Variants in ESRP2 observed in about 807,000 individuals in gnomAD.
The protein encoded by ESRP2 is epithelial splicing regulatory protein 2.
A neutral mutation model predicts 78.6 loss-of-function variants in ESRP2; 48 were observed. The ratio of observed to expected loss-of-function variants is 0.61; its 90% CI spans 0.48 to 0.78. ESRP2 has a LOEUF of 0.78. ESRP2 is among the 30% of genes least tolerant of loss of function. ESRP2 has a pLI of 0.00. For synonymous variants in ESRP2, 383 were observed against 406.7 expected (o/e 0.94, Z 0.70); for missense variants, 863 against 965.9 (o/e 0.89, Z 1.41).
In ESRP2 at chr16:68,231,813, C is replaced by T. The variant is rs1477283149; in HGVS notation, c.1288G>A (p.Glu430Lys). The T allele has an allele frequency of 8.7e-6, 14 of 1,608,838 alleles. No homozygotes were observed. Among genetic ancestry groups the T allele is most frequent in the African/African-American group, 2.7e-5 (2 of 74,796 alleles). ...YIELFRSTAA[E>K]VQQVLNRYAS... ...CCCTGGGCGCTCACCTGCTGCACTT[C>T]GGCTGCAGTGCTCCGGAAGAGTTCA... is the stretch of plus-strand genomic sequence containing the variant. Residue 430 changes from glutamate (E) to lysine (K), a missense_variant, in exon 10 of 15, where the codon GAA (glutamate) becomes AAA (lysine). Glu to Lys is a moderately conservative substitution (Grantham distance 56). Transcript: ENST00000473183. The surrounding 1 kb of genome is among the most constrained non-coding windows in gnomAD (Gnocchi z 6.0).
At position 68,234,146 on chromosome 16, in the gene ESRP2, C is replaced by G. The variant is rs1359800873; in HGVS notation, c.328-39G>C. The G allele has an allele frequency of 6.1e-6, 9 of 1,483,322 alleles. No individual in the cohort carries two copies. In the East Asian group the frequency reaches 1.9e-4, roughly 32 times the overall value. 91.9% of individuals were successfully genotyped at this position (1,483,322 alleles called of 1,614,324 possible). A position where few individuals can be genotyped will look rare whatever the true frequency, so the allele number is the denominator to read the frequency against. ...ATGGGGAGAGAGAAACACACAGATT[C>G]ACAGCTGGGCAGGCAGGAAGTGAGG... is the stretch of plus-strand genomic sequence containing the variant. On this transcript the variant is annotated intron_variant, in intron 2 of 14. Coordinates refer to ENST00000473183, the MANE Select transcript of ESRP2 (RefSeq NM_024939.3).
chr16:68,230,358 C>T, intron 14 of ESRP2, 31 bp downstream of exon 14: 2 of 1,614,140 alleles, frequency 1.2e-6, no homozygotes, highest in Non-Finnish European at 1.7e-6. Context: ...CTCAGCCAGA[C>T]CCGCCAGGCC....
rs2042116953 is a variant in ESRP2 at position 68,230,641 on chromosome 16, G to A, written c.1899-87C>T. ...TTCCCTCCTCCCTTGTTTCTGCCTT[G>A]TGCTTAATTCAGTTCCTCCCTGAAG... is the stretch of plus-strand genomic sequence containing the variant. On this transcript the variant is annotated intron_variant, in intron 13 of 14. Coordinates refer to ENST00000473183, the MANE Select transcript of ESRP2 (RefSeq NM_024939.3). 5 of 1,477,040 alleles carry A rather than the reference G, an allele frequency of 3.4e-6. 1 individual carries two copies. Among genetic ancestry groups the A allele is most frequent in the Admixed American group, 4.5e-5 (2 of 44,180 alleles). The allele number at this position is 1,477,040 out of a possible 1,614,324, so 91.5% of individuals were successfully genotyped here.
rs373763839 is a variant in ESRP2 at position 68,235,602 on chromosome 16, C to T, written c.327+32G>A. 1.8e-5 allele frequency: 29 copies of T among 1,595,526 alleles called. No individual in the cohort carries two copies. The highest frequency in any genetic ancestry group is 2.4e-5 in the Non-Finnish European group (28 of 1,178,816). Reference sequence around the variant, plus strand: ...TCCCGCCCAGAAATGTCCTCACGTCCAGGCCATGCCGCCACCCACCCCGGC... The same window carrying T: ...TCCCGCCCAGAAATGTCCTCACGTCTAGGCCATGCCGCCACCCACCCCGGC... On this transcript the variant is annotated intron_variant, in intron 2 of 14. Coordinates refer to ENST00000473183, the MANE Select transcript of ESRP2 (RefSeq NM_024939.3). The surrounding 1 kb of genome is among the most constrained non-coding windows in gnomAD (Gnocchi z 5.5).
Position 68,230,426 on chromosome 16 carries a change from C to A in ESRP2, c.2027G>T (p.Gly676Val), listed in dbSNP as rs759775372. 1 of 1,613,184 alleles carries A rather than the reference C, an allele frequency of 6.2e-7. No individual in the cohort carries two copies. The highest frequency in any genetic ancestry group is 2.2e-5 in the East Asian group (1 of 44,850). ...GAAGACGCTGAGCAGATCCTTCATA[C>A]CAGCCGTGTATGGGACACCCTGCAT... Reference protein sequence around the residue: ...VRMQGVPYTAGMKDLLSVFQA... With the variant: ...VRMQGVPYTAVMKDLLSVFQA... The change falls in exon 14 of 15, where the codon GGT (glycine) becomes GTT (valine). Residue 676 changes from glycine (G) to valine (V), a missense_variant. Gly to Val is a moderately radical substitution (Grantham distance 109, BLOSUM62 -3). Transcript: ENST00000473183.
At position 68,236,063 on chromosome 16, in the gene ESRP2, GCT is replaced by G; in HGVS notation, c.-20_-19del. 7.1e-7 allele frequency: 1 copy of G among 1,410,720 alleles called. No individual in the cohort carries two copies. The highest frequency in any genetic ancestry group is 9.1e-7 in the Non-Finnish European group (1 of 1,094,888). The allele number at this position is 1,410,720 out of a possible 1,614,324, so 87.4% of individuals were successfully genotyped here. A position where few individuals can be genotyped will look rare whatever the true frequency, so the allele number is the denominator to read the frequency against. On this transcript the variant is annotated 5_prime_UTR_variant, in exon 1 of 15. Transcript: ENST00000473183. This position sits in a 1 kb window ranked among gnomAD's most constrained non-coding sequence, Gnocchi z 5.2. ...GGAGTCATGGCCGCAGAGGAAGGGG[GCT>G]CTCGGCCAGACACGCGGACCGACGA...
chr16:68,232,332 T>C lies in ESRP2; in HGVS notation c.954+39A>G. 3 of 1,614,136 alleles carry C rather than the reference T, an allele frequency of 1.9e-6. No individual in the cohort carries two copies. Among genetic ancestry groups the C allele is most frequent in the Non-Finnish European group, 2.5e-6 (3 of 1,180,004 alleles). On this transcript the variant is annotated intron_variant, in intron 8 of 14. Transcript: ENST00000473183. The surrounding 1 kb of genome is among the most constrained non-coding windows in gnomAD (Gnocchi z 5.2). ...GCAGCCCATGGGTCTCAGGCCTGAC[T>C]CAGATTGGCCCTGCTCCGCTCCCAG...
chr16:68,230,585 C>T, intron 13 of ESRP2, 31 bp from the exon 14 acceptor site: 1 of 1,535,854 alleles, frequency 6.5e-7, no homozygotes, highest in Non-Finnish European at 8.8e-7. Flanking sequence ...TTTAGTCATG[C>T]ATGCCACCTG....
Position 68,232,354 on chromosome 16 carries a change from C to T in ESRP2, c.954+17G>A. On this transcript the variant is annotated intron_variant, in intron 8 of 14. Coordinates refer to ENST00000473183, the MANE Select transcript of ESRP2 (RefSeq NM_024939.3). This position sits in a 1 kb window ranked among gnomAD's most constrained non-coding sequence, Gnocchi z 5.2. ...GACTCAGATTGGCCCTGCTCCGCTC[C>T]CAGCCCAAAGCCCCACCTCAATATA... 6.2e-7 allele frequency: 1 copy of T among 1,614,106 alleles called. No individual in the cohort carries two copies. The highest frequency in any genetic ancestry group is 2.2e-5 in the East Asian group (1 of 44,888).
At position 68,232,578 on chromosome 16, in the gene ESRP2, T is replaced by G; in HGVS notation, c.820A>C (p.Arg274=). 6.2e-7 allele frequency: 1 copy of G among 1,612,830 alleles called. No individual in the cohort carries two copies. Among genetic ancestry groups the G allele is most frequent in the Non-Finnish European group, 8.5e-7 (1 of 1,179,102 alleles). ...ARFFKGLNVA[R]GGVALCLNAQ... Reference sequence around the variant, plus strand: ...GCCCACCCACCCTGCCACACCCACCTGGCCACGTTGAGCCCTTTGAAGAAG... The same window carrying G: ...GCCCACCCACCCTGCCACACCCACCGGGCCACGTTGAGCCCTTTGAAGAAG... The change falls in exon 7 of 15, where the codon AGG becomes CGG. Residue 274 remains arginine (R), a splice_region_variant and synonymous_variant. Coordinates refer to ENST00000473183, the MANE Select transcript of ESRP2 (RefSeq NM_024939.3). The surrounding 1 kb of genome is among the most constrained non-coding windows in gnomAD (Gnocchi z 5.2).
Position 68,235,674 on chromosome 16 carries a change from C to T in ESRP2, c.287G>A (p.Ser96Asn). The T allele has an allele frequency of 6.3e-7, 1 of 1,598,790 alleles. No individual in the cohort carries two copies. Among genetic ancestry groups the T allele is most frequent in the East Asian group, 2.2e-5 (1 of 44,800 alleles). ...GTCCAGCGGCTCTGCCCGCGCCAGG[C>T]TGTCGGCGCTCAGGCCGCTCGCCTC... The part of the protein sequence containing the change: ...CREASGLSAD[S>N]LARAEPLDKV... The change falls in exon 2 of 15, where the codon AGC (serine) becomes AAC (asparagine). Residue 96 changes from serine to asparagine, a missense_variant. Physicochemically the swap from Ser to Asn is conservative, Grantham distance 46. Coordinates refer to ENST00000473183, the MANE Select transcript of ESRP2 (RefSeq NM_024939.3). This position sits in a 1 kb window ranked among gnomAD's most constrained non-coding sequence, Gnocchi z 5.5.
rs752963598 is a variant in ESRP2 at position 68,236,022 on chromosome 16, G to GGGCGGC, written c.18_23dup (p.Pro10_Pro11dup). ...CCGCGGGGTCAGGGCCCGGGGGAGG[G>GGGCGGC]GGCGGCGGCGGCGGCGGAGTCATGG... On this transcript the variant is annotated inframe_insertion, in exon 1 of 15. Coordinates refer to ENST00000473183, the MANE Select transcript of ESRP2 (RefSeq NM_024939.3). This position sits in a 1 kb window ranked among gnomAD's most constrained non-coding sequence, Gnocchi z 5.2. The GGGCGGC allele has an allele frequency of 2.0e-6, 3 of 1,469,376 alleles. No homozygotes were observed. Among genetic ancestry groups the GGGCGGC allele is most frequent in the Middle Eastern group, 2.0e-4 (1 of 4,886 alleles). 91.0% of individuals were successfully genotyped at this position (1,469,376 alleles called of 1,614,324 possible).
rs1039863056 is a variant in ESRP2, at chr16:68,232,895, TGA to T, written c.656-82_656-81del. On this transcript the variant is annotated intron_variant, in intron 5 of 14. Coordinates refer to ENST00000473183, the MANE Select transcript of ESRP2 (RefSeq NM_024939.3). This position sits in a 1 kb window ranked among gnomAD's most constrained non-coding sequence, Gnocchi z 5.2. ...CCAAGTTCTGCAAAAAGTGGACAAT[TGA>T]GAGAGATGAAGAAATGACAGGCCGA... 1.5e-5 allele frequency: 24 copies of T among 1,589,998 alleles called. No individual in the cohort carries two copies. The African/African-American group carries it at 2.7e-4, about 18-fold the overall frequency.
chr16:68,235,156 GCAGTTT>G lies in ESRP2; in HGVS notation c.327+472_327+477del, dbSNP rs2042206471. On this transcript the variant is annotated intron_variant, in intron 2 of 14. Transcript: ENST00000473183. The surrounding 1 kb of genome is among the most constrained non-coding windows in gnomAD (Gnocchi z 5.5). ...AGCCGGCCGGGACAGGCCTAGACGA[GCAGTTT>G]ACACCTGGCGGCGTCTACCTCTAGG... 1 of 985,226 alleles carries G rather than the reference GCAGTTT, an allele frequency of 1.0e-6. No homozygotes were observed. The highest frequency in any genetic ancestry group is 1.2e-6 in the Non-Finnish European group (1 of 829,894). The allele number at this position is 985,226 out of a possible 1,614,324, so 61.0% of individuals were successfully genotyped here.
In ESRP2 at chr16:68,233,352, G is replaced by C. The variant is rs201764029; in HGVS notation, c.630C>G (p.Ile210Met). 7 of 1,614,052 alleles carry C rather than the reference G, an allele frequency of 4.3e-6. No homozygotes were observed. In the South Asian group the frequency reaches 7.7e-5, roughly 18 times the overall value. ...TGCTGGGCTCTTTGAGTAGATGGAGGATAACAGCTACCATTGTCTTGACTT... is the reference window on the plus strand; with the variant it reads ...TGCTGGGCTCTTTGAGTAGATGGAGCATAACAGCTACCATTGTCTTGACTT... ...VWEVKTMVAV[I>M]LHLLKEPSSQ... The change falls in exon 5 of 15, where the codon ATC becomes ATG. Residue 210 changes from isoleucine to methionine, a missense_variant. By Grantham distance (10) the Ile-to-Met change is conservative. Coordinates refer to ENST00000473183, the MANE Select transcript of ESRP2 (RefSeq NM_024939.3).
At position 68,233,719 on chromosome 16, in the gene ESRP2, A is replaced by G. The variant is rs769670775; in HGVS notation, c.556+49T>C. The stretch of plus-strand genomic sequence containing the variant: ...CCACAGCATGCACATACTCAGACAC[A>G]TGTACCCACAGTGGCTTCTCCACCC... On this transcript the variant is annotated intron_variant, in intron 4 of 14. Coordinates refer to ENST00000473183, the MANE Select transcript of ESRP2 (RefSeq NM_024939.3). 2.9e-6 allele frequency: 4 copies of G among 1,375,382 alleles called. No individual in the cohort carries two copies. The African/African-American group carries it at 4.3e-5, about 15-fold the overall frequency. The allele number at this position is 1,375,382 out of a possible 1,614,324, so 85.2% of individuals were successfully genotyped here.
chr16:68,230,766 C>G, intron 13 of ESRP2, 75 bp downstream of exon 13: 1 of 1,582,122 alleles, frequency 6.3e-7, no homozygotes, highest in South Asian at 1.1e-5. Context: ...TTATCTGGTC[C>G]AGAAAGGGGA....
In ESRP2 at chr16:68,232,859, G is replaced by T. The variant is rs1413975940; in HGVS notation, c.656-44C>A. 1.2e-6 allele frequency: 2 copies of T among 1,613,038 alleles called. No individual in the cohort carries two copies. The highest frequency in any genetic ancestry group is 1.7e-6 in the Non-Finnish European group (2 of 1,179,294). On this transcript the variant is annotated intron_variant, in intron 5 of 14. Coordinates refer to ENST00000473183, the MANE Select transcript of ESRP2 (RefSeq NM_024939.3). This position sits in a 1 kb window ranked among gnomAD's most constrained non-coding sequence, Gnocchi z 5.2. ...GGGGTCAGCAGGGTCTGGTGGAGAG[G>T]GGTGTCCCCACCAAGTTCTGCAAAA...
rs768328539 is a variant in ESRP2, at chr16:68,232,112, G to A, written c.998-9C>T. On this transcript the variant is annotated splice_polypyrimidine_tract_variant and intron_variant, in intron 9 of 14. Coordinates refer to ENST00000473183, the MANE Select transcript of ESRP2 (RefSeq NM_024939.3). The surrounding 1 kb of genome is among the most constrained non-coding windows in gnomAD (Gnocchi z 5.2). ...CACCTCTAGTGATGTGCCTGTGTAT[G>A]AGAGTCGCCTGCTGACTTCACTCAT... The A allele has an allele frequency of 1.9e-6, 3 of 1,610,962 alleles. No individual in the cohort carries two copies. The highest frequency in any genetic ancestry group is 2.5e-6 in the Non-Finnish European group (3 of 1,177,832).
Sources: gnomAD v4.1 joint callset for allele counts on GRCh38, gnomAD v4.1.1 for gene constraint, Gnocchi (gnomAD v3.1) non-coding constraint, MANE v1.5 for transcripts, NCBI Gene and HGNC (gene_info 2026-07-23, HGNC 2026-07-21) for gene names.